Variants in PKD1L1 observed in about 807,000 individuals in gnomAD.
The protein encoded by PKD1L1 is polycystin 1 like 1, transient receptor potential channel interacting.
Under a neutral mutation model 323.4 loss-of-function variants are expected in PKD1L1, and 236 were observed. The observed-to-expected ratio is 0.73, with a 90% CI of 0.66 to 0.81. The LOEUF is 0.81. PKD1L1 is among the 40% of genes least tolerant of loss of function. The pLI is 0.00. For missense variants in PKD1L1, 3,320 were observed against 3,508.0 expected (o/e 0.95, Z 1.35); for synonymous variants, 1,344 against 1,335.0 (o/e 1.01, Z -0.15).
chr7:47,794,428 C>T (rs1787025872), intron 55 of PKD1L1, among the ~76,000 whole-genome samples: 1 of 152,204 alleles, frequency 6.6e-6, no homozygotes, highest in East Asian at 1.9e-4. Context: ...GTGGAACCCC[C>T]AAGCCTTGGC....
the PKD1L1 span, among the ~76,000 whole-genome samples, chr7:47,957,860 A>ATATATATATATATAT: frequency 0.13 from 15,815 of 123,034 alleles, 1,615 homozygotes; most frequent in Non-Finnish European, 0.18. Flanking sequence ...CAATTAAAAA[A>ATATATATATATATAT]AAATATATAT....
At chr7:47,925,617 C>G (rs1162073372) in intron 7 of PKD1L1, among the ~76,000 whole-genome samples, 1 of 152,144 alleles carries the variant, frequency 6.6e-6, no homozygotes, top group African/African-American at 2.4e-5. Flanking sequence ...AAGGGAGGGT[C>G]AGACATGCCC....
rs745544629 is a variant in PKD1L1, at chr7:47,948,381, A to T, written c.44+16T>A. Reference sequence around the variant, plus strand: ...AATCAAGCTTACCAAACCCTCTGAGAACAGTGATAACTCACCTTTCCTGGT... The same window carrying T: ...AATCAAGCTTACCAAACCCTCTGAGTACAGTGATAACTCACCTTTCCTGGT... On this transcript the variant is annotated intron_variant, in intron 1 of 56. Coordinates refer to ENST00000289672, the MANE Select transcript of PKD1L1 (RefSeq NM_138295.5). The T allele has an allele frequency of 3.1e-6, 5 of 1,614,032 alleles. No homozygotes were observed. The highest frequency in any genetic ancestry group is 4.2e-6 in the Non-Finnish European group (5 of 1,179,942).
Position 47,885,882 on chromosome 7 carries a change from T to G in PKD1L1, c.3009A>C (p.Ser1003=), listed in dbSNP as rs1388693386. ...SPVTLGQPAT[S]APRGTPTEPM... Reference sequence around the variant, plus strand: ...GCTCTGTGGGGGTTCCCCTTGGAGCTGAAGTGGCAGGTTGGCCAAGGGTCA... The same window carrying G: ...GCTCTGTGGGGGTTCCCCTTGGAGCGGAAGTGGCAGGTTGGCCAAGGGTCA... Residue 1003 remains serine, a synonymous_variant, in exon 18 of 57, where the codon TCA becomes TCC. Coordinates refer to ENST00000289672, the MANE Select transcript of PKD1L1 (RefSeq NM_138295.5). 1.2e-5 allele frequency: 19 copies of G among 1,614,130 alleles called. No individual in the cohort carries two copies. Among genetic ancestry groups the G allele is most frequent in the Non-Finnish European group, 1.6e-5 (19 of 1,180,028 alleles).
intron 52 of PKD1L1, among the ~76,000 whole-genome samples, chr7:47,804,263 G>A (rs192807276): frequency 6.6e-6 from 1 of 152,240 alleles, no homozygotes; most frequent in African/African-American, 2.4e-5. Flanking sequence ...GGGATGAATG[G>A]GGCTTTAGCC....
At chr7:47,949,368 C>CAAAAAA (rs58131581), upstream of PKD1L1, among the ~76,000 whole-genome samples, 35 of 57,138 alleles carry the variant, frequency 6.1e-4, 4 homozygotes, top group African/African-American at 1.2e-3. Context: ...GGCTCTGTCT[C>CAAAAAA]AAAAAAAAAA....
chr7:47,867,492 G>C (rs756869432), intron 24 of PKD1L1, among the ~76,000 whole-genome samples: 2 of 152,170 alleles, frequency 1.3e-5, no homozygotes, highest in African/African-American at 4.8e-5. Flanking sequence ...CCAATACCCA[G>C]AGTGGCTGCA....
chr7:47,899,633 AT>A (rs199751440), intron 13 of PKD1L1, among the ~76,000 whole-genome samples: 4,357 of 149,342 alleles, frequency 0.029, 88 homozygotes, highest in East Asian at 0.058. Context: ...CCCCAGAGGG[AT>A]TTTTTTTTTC....
intron 24 of PKD1L1, among the ~76,000 whole-genome samples, chr7:47,868,348 G>A (rs535019470): frequency 7.2e-5 from 11 of 151,938 alleles, no homozygotes; most frequent in South Asian, 6.2e-4. Context: ...CAGCCTGGGC[G>A]ACAGGGTGAG....
At chr7:47,935,661 T>C (rs139793586) in intron 4 of PKD1L1, among the ~76,000 whole-genome samples, 1,636 of 152,294 alleles carry the variant, frequency 0.011, 95 homozygotes, top group Admixed American at 0.098. Context: ...ATCATGTGCG[T>C]CCATTGGCAC....
At chr7:47,786,623 T>G (rs1786813231) in intron 56 of PKD1L1, among the ~76,000 whole-genome samples, 1 of 152,230 alleles carries the variant, frequency 6.6e-6, no homozygotes, top group Non-Finnish European at 1.5e-5. Context: ...TGTTCCTGCC[T>G]TACGCAATGG....
intron 2 of PKD1L1, among the ~76,000 whole-genome samples, chr7:47,942,805 C>A (rs1788015148): frequency 6.6e-6 from 1 of 152,086 alleles, no homozygotes; most frequent in Admixed American, 6.5e-5. Flanking sequence ...TCACCCCAGA[C>A]CTCCTAAAGC....
chr7:47,869,233 GC>G (rs1292599921), intron 24 of PKD1L1, among the ~76,000 whole-genome samples: 2 of 152,040 alleles, frequency 1.3e-5, no homozygotes, highest in Admixed American at 1.3e-4. Flanking sequence ...CAAAAAATAA[GC>G]AAAATGGCAT....
intron 7 of PKD1L1, among the ~76,000 whole-genome samples, chr7:47,920,112 C>T (rs1787504419): frequency 1.3e-5 from 2 of 152,112 alleles, no homozygotes; most frequent in South Asian, 4.1e-4. Context: ...ATCTAGAAAA[C>T]CCTAAAGACT....
rs1288795309 is a variant in PKD1L1 at position 47,827,465 on chromosome 7, A to G, written c.6739T>C (p.Leu2247=). 1.9e-6 allele frequency: 3 copies of G among 1,607,064 alleles called. No homozygotes were observed. The highest frequency in any genetic ancestry group is 2.5e-6 in the Non-Finnish European group (3 of 1,178,216). The stretch of plus-strand genomic sequence containing the variant: ...TGGCGAGCTTGTTGTCGGGCAGCCA[A>G]GACCTGTCAGGGACAAGAGTGCTGT... The part of the protein sequence containing the change: ...PDCAGEVEKV[L]AARQQARHLR... Residue 2247 remains leucine (L), a synonymous_variant, in exon 45 of 57, where the codon TTG becomes CTG. Transcript: ENST00000289672.
intron 51 of PKD1L1, among the ~76,000 whole-genome samples, 164 bp from the exon 52 acceptor site, chr7:47,808,551 AG>A (rs1008409328): frequency 6.6e-6 from 1 of 152,206 alleles, no homozygotes; most frequent in Non-Finnish European, 1.5e-5. Flanking sequence ...GGAACATTAT[AG>A]GGTGCACTTA....
the PKD1L1 span, among the ~76,000 whole-genome samples, chr7:47,957,545 G>A: frequency 6.6e-6 from 1 of 152,028 alleles, no homozygotes; most frequent in Non-Finnish European, 1.5e-5. Flanking sequence ...ATCTCACTCT[G>A]TTGCCCACGC....
At chr7:47,814,473 G>A (rs898832856) in intron 47 of PKD1L1, among the ~76,000 whole-genome samples, 5 of 152,110 alleles carry the variant, frequency 3.3e-5, no homozygotes, top group African/African-American at 7.2e-5. Flanking sequence ...TCCACCCACC[G>A]GGTTCAAGCA....
intron 18 of PKD1L1, among the ~76,000 whole-genome samples, chr7:47,885,403 G>A (rs1038609741): frequency 3.3e-5 from 5 of 152,270 alleles, no homozygotes; most frequent in Admixed American, 2.6e-4. Context: ...TTAGGAAGCC[G>A]GTGTGGAGTA....
Sources: gnomAD v4.1 joint callset for allele counts (sites outside exome capture counted in the v4.1 genomes callset) on GRCh38, gnomAD v4.1.1 for gene constraint, MANE v1.5 for transcripts, NCBI Gene and HGNC (gene_info 2026-07-23, HGNC 2026-07-21) for gene names.